ADCY2: variants seen among roughly 807,000 people sequenced by gnomAD.
The protein encoded by ADCY2 is adenylate cyclase 2.
ADCY2 carries 31 observed loss-of-function variants against 125.2 expected under a neutral mutation model. That is an observed-to-expected ratio of 0.25 (90% CI 0.19 to 0.33). The LOEUF is 0.33. Ranked by LOEUF, ADCY2 falls within the 10% of genes least tolerant of loss-of-function variation. The pLI, the probability that ADCY2 is intolerant of heterozygous loss-of-function variation, is 1.00. For synonymous variants in ADCY2, 512 were observed against 548.4 expected, an observed-to-expected ratio of 0.93 and a Z score of 0.93; for missense variants, 904 against 1,418.2, an observed-to-expected ratio of 0.64 and a Z score of 5.82.
chr5:7,757,590 A>AGCCCCAGAGC lies in ADCY2; in HGVS notation c.2094+5_2094+6insCCCCAGAGCG, dbSNP rs1560953822. ...AATGATGGCCGTGTTCAACATGGTA[A>AGCCCCAGAGC]GTCCCAGAGCACGGCCGTGTTCAAC... is the stretch of plus-strand genomic sequence containing the variant. On this transcript the variant is annotated splice_donor_region_variant and intron_variant, in intron 16 of 24. Transcript: ENST00000338316. 2 of 1,565,412 alleles carry AGCCCCAGAGC rather than the reference A, an allele frequency of 1.3e-6. No individual in the cohort carries two copies. Among genetic ancestry groups the AGCCCCAGAGC allele is most frequent in the Admixed American group, 1.7e-5 (1 of 57,164 alleles).
At chr5:7,528,891 A>G (rs1303648825) in intron 3 of ADCY2, among the ~76,000 whole-genome samples, 1 of 152,238 alleles carries the variant, frequency 6.6e-6, no homozygotes, top group Non-Finnish European at 1.5e-5. Flanking sequence ...TTAAACCACC[A>G]GTAATCAATC....
At chr5:7,578,389 T>C (rs887138754) in intron 3 of ADCY2, among the ~76,000 whole-genome samples, 9 of 152,144 alleles carry the variant, frequency 5.9e-5, no homozygotes, top group African/African-American at 1.9e-4. Context: ...AGCACGGAGG[T>C]TCCCCCAGTG....
At chr5:7,417,641 T>C (rs1008987103) in intron 2 of ADCY2, among the ~76,000 whole-genome samples, 1 of 152,236 alleles carries the variant, frequency 6.6e-6, no homozygotes, top group African/African-American at 2.4e-5. Context: ...GGAATGTTCT[T>C]GTCCCCAGGT....
chr5:7,691,003 C>T lies in ADCY2; in HGVS notation c.869+164C>T, dbSNP rs922721335. 3 of 688,192 alleles carry T rather than the reference C, an allele frequency of 4.4e-6. No homozygotes were observed. In the African/African-American group the frequency reaches 5.5e-5, roughly 13 times the overall value. The allele number at this position is 688,192 out of a possible 1,614,324, so 42.6% of individuals were successfully genotyped here. ...CTGCCATCCCACTCACCTGTTCCTG[C>T]CTCTCAGGGCCTTCACATTAAGATG... On this transcript the variant is annotated intron_variant, in intron 5 of 24. Coordinates refer to ENST00000338316, the MANE Select transcript of ADCY2 (RefSeq NM_020546.3).
chr5:7,422,732 A>C (rs1012105281), intron 2 of ADCY2, among the ~76,000 whole-genome samples: 3 of 152,214 alleles, frequency 2.0e-5, no homozygotes, highest in Non-Finnish European at 4.4e-5. Flanking sequence ...GTTACCTAAA[A>C]GGATGTCAGA....
At chr5:7,559,955 A>G (rs1735656109) in intron 3 of ADCY2, among the ~76,000 whole-genome samples, 1 of 152,230 alleles carries the variant, frequency 6.6e-6, no homozygotes, top group African/African-American at 2.4e-5. Context: ...TATTTATTTT[A>G]GCATCATTTA....
At chr5:7,441,119 T>A (rs943758791) in intron 2 of ADCY2, among the ~76,000 whole-genome samples, 1 of 152,012 alleles carries the variant, frequency 6.6e-6, no homozygotes, top group Admixed American at 6.5e-5. Context: ...GAATTTTGAA[T>A]GCCTGAAAAA....
chr5:7,661,664 A>C (rs1006438383), intron 4 of ADCY2, among the ~76,000 whole-genome samples: 11 of 152,236 alleles, frequency 7.2e-5, no homozygotes, highest in African/African-American at 2.7e-4. Context: ...TCCTGTTCAC[A>C]CTGACATGGA....
At chr5:7,750,815 C>A (rs767206851) in intron 15 of ADCY2, among the ~76,000 whole-genome samples, 5 of 151,966 alleles carry the variant, frequency 3.3e-5, no homozygotes, top group Non-Finnish European at 5.9e-5. Flanking sequence ...TTCCAGGTGT[C>A]AAAGTGCAGC....
intron 7 of ADCY2, among the ~76,000 whole-genome samples, chr5:7,700,749 AC>A (rs1741053311): frequency 1.1e-5 from 1 of 94,644 alleles, no homozygotes; most frequent in African/African-American, 4.5e-5. Context: ...ACACACACAC[AC>A]ACACACAGCC....
chr5:7,810,166 A>T (rs1266768078), intron 22 of ADCY2, among the ~76,000 whole-genome samples: 3 of 152,032 alleles, frequency 2.0e-5, no homozygotes, highest in South Asian at 4.1e-4. Flanking sequence ...GCTTTTTTTT[A>T]AAAAGGATAT....
At chr5:7,442,157 T>C (rs966334043) in intron 2 of ADCY2, among the ~76,000 whole-genome samples, 1 of 152,154 alleles carries the variant, frequency 6.6e-6, no homozygotes, top group African/African-American at 2.4e-5. Flanking sequence ...TTGCATTTGG[T>C]TTGATGTAGT....
chr5:7,597,500 C>T (rs1334626116), intron 3 of ADCY2, among the ~76,000 whole-genome samples: 4 of 152,186 alleles, frequency 2.6e-5, no homozygotes, highest in Non-Finnish European at 4.4e-5. Flanking sequence ...AGTGGCCAGG[C>T]GCAGTGGCTC....
At chr5:7,747,647 C>T (rs938722848) in intron 15 of ADCY2, among the ~76,000 whole-genome samples, 1 of 152,184 alleles carries the variant, frequency 6.6e-6, no homozygotes. Flanking sequence ...GTGCCTCCAG[C>T]TGTCTCCTCT....
chr5:7,775,023 T>C (rs1743675269), intron 18 of ADCY2, among the ~76,000 whole-genome samples: 3 of 152,184 alleles, frequency 2.0e-5, no homozygotes, highest in African/African-American at 7.2e-5. Flanking sequence ...ATTTATTTAT[T>C]TGAGGCAGAA....
chr5:7,444,109 CT>C (rs1467454406), intron 2 of ADCY2, among the ~76,000 whole-genome samples: 1 of 130,388 alleles, frequency 7.7e-6, no homozygotes, highest in East Asian at 2.1e-4. Context: ...TGGTTTTTAT[CT>C]CTTTTTTTTT....
intron 4 of ADCY2, among the ~76,000 whole-genome samples, chr5:7,631,424 C>T (rs2126663678): frequency 6.6e-6 from 1 of 152,288 alleles, no homozygotes; most frequent in Non-Finnish European, 1.5e-5. Flanking sequence ...GCTCACATTA[C>T]TTGGCCCCAG....
rs369266995 is a variant in ADCY2, at chr5:7,468,014, C to T, written c.409-52724C>T. Reference sequence around the variant, plus strand: ...AAGAAGAACAGTCAAATGAACTTCCCGTTTTCTTTAAATATTATAAAAATA... The same window carrying T: ...AAGAAGAACAGTCAAATGAACTTCCTGTTTTCTTTAAATATTATAAAAATA... On this transcript the variant is annotated intron_variant, in intron 2 of 24. Coordinates refer to ENST00000338316, the MANE Select transcript of ADCY2 (RefSeq NM_020546.3). 1.6e-4 allele frequency among the ~76,000 whole-genome samples: 25 copies of T among 152,164 alleles called. No individual in the cohort carries two copies. In the South Asian group the frequency reaches 1.9e-3, roughly 11 times the overall value.
At chr5:7,412,167 C>G (rs946696364) in intron 1 of ADCY2, among the ~76,000 whole-genome samples, 1 of 151,982 alleles carries the variant, frequency 6.6e-6, no homozygotes, top group Non-Finnish European at 1.5e-5. Context: ...CTTCTTGTTC[C>G]CTGGTTCCCT....
Sources: allele counts gnomAD v4.1 joint callset (sites outside exome capture counted in the v4.1 genomes callset), GRCh38; gene constraint gnomAD v4.1.1; transcripts MANE v1.5; gene names NCBI Gene and HGNC (gene_info 2026-07-23, HGNC 2026-07-21).